The following SYT1 variants were observed in gnomAD, a reference collection of about 807,000 sequenced individuals.
SYT1 encodes the protein synaptotagmin 1, also known as synaptotagmin-1.
A neutral mutation model predicts 44.8 loss-of-function variants in SYT1; 8 were observed. That is an observed-to-expected ratio of 0.18 (90% confidence interval 0.10 to 0.32). SYT1 has a LOEUF of 0.32. Ranked by LOEUF, SYT1 falls within the 10% of genes least tolerant of loss-of-function variation. The pLI, the probability that SYT1 is intolerant of heterozygous loss-of-function variation, is 1.00. For synonymous variants in SYT1, 154 were observed against 188.8 expected, an observed-to-expected ratio of 0.82 and a Z score of 1.51; for missense variants, 286 against 509.3, an observed-to-expected ratio of 0.56 and a Z score of 4.22.
chr12:79,109,891 A>G (rs2138086166), intron 3 of SYT1, among the ~76,000 whole-genome samples: 1 of 152,284 alleles, frequency 6.6e-6, no homozygotes, highest in South Asian at 2.1e-4. Context: ...GGTGCAGCAA[A>G]TCATCATGCA....
chr12:79,181,535 T>A (rs1125109), intron 3 of SYT1, among the ~76,000 whole-genome samples: 97,937 of 151,656 alleles, frequency 0.65, 32,006 homozygotes, highest in Admixed American at 0.7. Flanking sequence ...GCCCCCACTC[T>A]TCTCCATATC....
intron 4 of SYT1, among the ~76,000 whole-genome samples, chr12:79,284,436 T>G (rs1451351748): frequency 6.6e-6 from 1 of 152,194 alleles, no homozygotes; most frequent in African/African-American, 2.4e-5. Flanking sequence ...AACTCCCCTC[T>G]GTGTATTTAT....
At chr12:79,335,208 C>A (rs894527124) in intron 8 of SYT1, among the ~76,000 whole-genome samples, 2 of 152,158 alleles carry the variant, frequency 1.3e-5, no homozygotes, top group African/African-American at 4.8e-5. Context: ...ACCCTTTCAA[C>A]TAGATCTTTC....
At chr12:79,239,030 C>A (rs1417855359) in intron 4 of SYT1, among the ~76,000 whole-genome samples, 1 of 152,178 alleles carries the variant, frequency 6.6e-6, no homozygotes, top group African/African-American at 2.4e-5. Context: ...CCAAATTATC[C>A]TATATTCTGT....
At position 79,243,583 on chromosome 12, in the gene SYT1, G is replaced by C. The variant is rs1876641634; in HGVS notation, c.166+25898G>C. Among the ~76,000 whole-genome samples the C allele has an allele frequency of 2.0e-5, 3 of 152,140 alleles. No individual in the cohort carries two copies. In the South Asian group the frequency reaches 6.2e-4, roughly 32 times the overall value. On this transcript the variant is annotated intron_variant, in intron 4 of 10. Coordinates refer to ENST00000261205, the MANE Select transcript of SYT1 (RefSeq NM_005639.3). ...TGCTTCGAAATTCAAGCATCGTAAA[G>C]CATTCTTACCGGCAAGCAGGAGGTC... is the stretch of plus-strand genomic sequence containing the variant.
At chr12:79,428,205 A>G (rs1434194757) in intron 9 of SYT1, among the ~76,000 whole-genome samples, 1 of 152,188 alleles carries the variant, frequency 6.6e-6, no homozygotes, top group Non-Finnish European at 1.5e-5. Context: ...AAAAATTAGA[A>G]GAAATATGCA....
At chr12:79,220,501 A>T (rs1333325680) in intron 4 of SYT1, among the ~76,000 whole-genome samples, 1 of 151,916 alleles carries the variant, frequency 6.6e-6, no homozygotes, top group Non-Finnish European at 1.5e-5. Context: ...GTTCAACATT[A>T]GGCTATTTAT....
At chr12:79,196,582 T>G (rs1316910108) in intron 3 of SYT1, among the ~76,000 whole-genome samples, 1 of 152,216 alleles carries the variant, frequency 6.6e-6, no homozygotes, top group Admixed American at 6.5e-5. Context: ...ACCTTTTCTT[T>G]TAGTAACAAC....
intron 1 of SYT1, among the ~76,000 whole-genome samples, chr12:78,893,171 T>C (rs1356941781): frequency 6.6e-6 from 1 of 151,798 alleles, no homozygotes; most frequent in Non-Finnish European, 1.5e-5. Flanking sequence ...GCAATTTCAA[T>C]ATTAAGAGCA....
intron 8 of SYT1, among the ~76,000 whole-genome samples, chr12:79,315,431 G>A (rs752117432): frequency 6.6e-6 from 1 of 151,970 alleles, no homozygotes; most frequent in African/African-American, 2.4e-5. Context: ...TACTCAGTTT[G>A]GCCTCAAACT....
chr12:79,102,709 T>C (rs1240486566), intron 3 of SYT1, among the ~76,000 whole-genome samples: 1 of 152,178 alleles, frequency 6.6e-6, no homozygotes, highest in Non-Finnish European at 1.5e-5. Flanking sequence ...TGTATAAACA[T>C]ATTCGAAATA....
At chr12:79,428,982 A>T (rs1467544033) in intron 9 of SYT1, among the ~76,000 whole-genome samples, 2 of 152,102 alleles carry the variant, frequency 1.3e-5, no homozygotes, top group Admixed American at 1.3e-4. Context: ...GTGGGAGGAA[A>T]GTGCCAGGCT....
At chr12:78,957,802 C>T (rs1030074587) in intron 1 of SYT1, among the ~76,000 whole-genome samples, 1 of 151,880 alleles carries the variant, frequency 6.6e-6, no homozygotes, top group Non-Finnish European at 1.5e-5. Flanking sequence ...ATAATACTCA[C>T]AAAATAAGTA....
At chr12:79,052,435 C>G (rs1874577313) in intron 3 of SYT1, among the ~76,000 whole-genome samples, 1 of 152,166 alleles carries the variant, frequency 6.6e-6, no homozygotes, top group East Asian at 1.9e-4. Flanking sequence ...CCATTCAGGA[C>G]ATATGCATGG....
intron 3 of SYT1, among the ~76,000 whole-genome samples, chr12:79,153,076 G>A (rs1229073961): frequency 6.6e-6 from 1 of 151,674 alleles, no homozygotes; most frequent in East Asian, 1.9e-4. Flanking sequence ...AGTTGTCATC[G>A]ATGACCAAAA....
At chr12:78,943,820 T>C (rs1308106445) in intron 1 of SYT1, among the ~76,000 whole-genome samples, 1 of 152,198 alleles carries the variant, frequency 6.6e-6, no homozygotes, top group Non-Finnish European at 1.5e-5. Flanking sequence ...ATGGTTCTTG[T>C]ACCTTGACAA....
chr12:79,322,133 T>C (rs911586454), intron 8 of SYT1, among the ~76,000 whole-genome samples: 2 of 152,162 alleles, frequency 1.3e-5, no homozygotes, highest in African/African-American at 2.4e-5. Context: ...CCAGTTGAAA[T>C]CACATACACT....
chr12:78,967,414 TAAC>T (rs1868274010), intron 1 of SYT1, among the ~76,000 whole-genome samples: 1 of 151,978 alleles, frequency 6.6e-6, no homozygotes, highest in Non-Finnish European at 1.5e-5. Flanking sequence ...ATATAGGCAA[TAAC>T]ATGATAACAG....
intron 6 of SYT1, 65 bp from the exon 7 acceptor site, chr12:79,296,003 AC>A: frequency 6.6e-7 from 1 of 1,512,252 alleles, no homozygotes; most frequent in Non-Finnish European, 8.9e-7. Flanking sequence ...AGCATTGTGA[AC>A]AAATCGATCT....
Sources: gnomAD v4.1 joint callset for allele counts (sites outside exome capture counted in the v4.1 genomes callset) on GRCh38, gnomAD v4.1.1 for gene constraint, MANE v1.5 for transcripts, NCBI Gene and HGNC (gene_info 2026-07-23, HGNC 2026-07-21) for gene names.